GRM5: variants seen among roughly 807,000 people sequenced by gnomAD.
GRM5 encodes metabotropic glutamate receptor 5.
Under a neutral mutation model 83.1 loss-of-function variants are expected in GRM5, and 19 were observed. The ratio of observed to expected loss-of-function variants is 0.23; its 90% CI spans 0.16 to 0.34. The LOEUF is 0.34. Among genes scored for constraint, GRM5 ranks in the 10% least tolerant of loss-of-function variants. The pLI, the probability that GRM5 is intolerant of heterozygous loss-of-function variation, is 1.00. For synonymous variants in GRM5, 675 were observed against 633.6 expected, an observed-to-expected ratio of 1.07 and a Z score of -0.98; for missense variants, 1,160 against 1,588.3, an observed-to-expected ratio of 0.73 and a Z score of 4.58.
chr11:88,785,677 G>A (rs1591515098), intron 3 of GRM5, among the ~76,000 whole-genome samples: 1 of 151,980 alleles, frequency 6.6e-6, no homozygotes, highest in Non-Finnish European at 1.5e-5. Flanking sequence ...TCTACTACAG[G>A]TATTTGCAAA....
At chr11:88,742,789 A>G (rs919888025) in intron 3 of GRM5, among the ~76,000 whole-genome samples, 11 of 152,120 alleles carry the variant, frequency 7.2e-5, no homozygotes, top group Non-Finnish European at 1.6e-4. Flanking sequence ...ATTTTTAACA[A>G]GCCCATTTGG....
At chr11:88,807,426 A>T (rs1034244218) in intron 3 of GRM5, among the ~76,000 whole-genome samples, 1 of 152,080 alleles carries the variant, frequency 6.6e-6, no homozygotes, top group African/African-American at 2.4e-5. Context: ...TCCTATCTAC[A>T]ATAGGAGTGT....
chr11:88,615,899 A>G (rs1194520134), intron 4 of GRM5, among the ~76,000 whole-genome samples: 2 of 152,128 alleles, frequency 1.3e-5, no homozygotes, highest in East Asian at 3.8e-4. Context: ...AAGGGGGTGA[A>G]TATGCAAGAT....
At chr11:88,814,325 G>C (rs953198281) in intron 3 of GRM5, among the ~76,000 whole-genome samples, 1 of 152,146 alleles carries the variant, frequency 6.6e-6, no homozygotes, top group African/African-American at 2.4e-5. Context: ...CTAGAGAAGA[G>C]GACTCTGACA....
At chr11:88,791,314 C>T (rs1048532594) in intron 3 of GRM5, among the ~76,000 whole-genome samples, 16 of 152,082 alleles carry the variant, frequency 1.1e-4, no homozygotes, top group Non-Finnish European at 2.1e-4. Flanking sequence ...CAGGTGAATA[C>T]GTTAGGAGAG....
intron 1 of GRM5, among the ~76,000 whole-genome samples, chr11:89,057,988 T>C (rs1242369057): frequency 5.3e-5 from 8 of 152,098 alleles, no homozygotes; most frequent in Non-Finnish European, 2.9e-5. Flanking sequence ...CTCCAAAGTA[T>C]CAAACCTACA....
chr11:88,573,897 T>C (rs1405048278), intron 7 of GRM5, among the ~76,000 whole-genome samples: 3 of 152,222 alleles, frequency 2.0e-5, no homozygotes, highest in Non-Finnish European at 2.9e-5. Context: ...TGTCTAGTGT[T>C]CATATCCCTG....
chr11:88,914,950 G>T (rs1017657011), intron 2 of GRM5, among the ~76,000 whole-genome samples: 1 of 152,050 alleles, frequency 6.6e-6, no homozygotes, highest in African/African-American at 2.4e-5. Flanking sequence ...TCTTCAATTT[G>T]CCTCAATATT....
At chr11:89,041,245 C>T (rs549018589) in intron 2 of GRM5, among the ~76,000 whole-genome samples, 1 of 152,248 alleles carries the variant, frequency 6.6e-6, no homozygotes, top group South Asian at 2.1e-4. Context: ...TGGAAGTGTC[C>T]ACAATTGCAC....
intron 3 of GRM5, among the ~76,000 whole-genome samples, chr11:88,657,909 C>T (rs549137008): frequency 6.6e-6 from 1 of 152,258 alleles, no homozygotes; most frequent in East Asian, 1.9e-4. Flanking sequence ...GCCTATAACT[C>T]TGTTCTATGT....
At chr11:88,932,310 A>C (rs1444668115) in intron 2 of GRM5, among the ~76,000 whole-genome samples, 2 of 152,108 alleles carry the variant, frequency 1.3e-5, no homozygotes, top group African/African-American at 4.8e-5. Context: ...TTATGTTAGT[A>C]TATATAAACA....
intron 3 of GRM5, among the ~76,000 whole-genome samples, chr11:88,768,553 T>C (rs940966892): frequency 3.9e-5 from 6 of 151,974 alleles, no homozygotes; most frequent in Admixed American, 1.3e-4. Flanking sequence ...ATGAATTTAA[T>C]ACCAGTGAAC....
In GRM5 at chr11:88,984,811, T is replaced by C. The variant is rs779612725; in HGVS notation, c.661+62401A>G. The C allele has an allele frequency of 5.4e-6, 4 of 739,316 alleles. No individual in the cohort carries two copies. The East Asian group carries it at 7.5e-5, about 14-fold the overall frequency. 45.8% of individuals were successfully genotyped at this position (739,316 alleles called of 1,614,324 possible). ...GAGACAGCACTTGGATGTTTTCATT[T>C]TCCAGGGCATCATATACTAAAGAAT... is the stretch of plus-strand genomic sequence containing the variant. On this transcript the variant is annotated intron_variant, in intron 2 of 9. Coordinates refer to ENST00000305447, the MANE Select transcript of GRM5 (RefSeq NM_001143831.3).
At chr11:88,700,865 C>T (rs554802938) in intron 3 of GRM5, among the ~76,000 whole-genome samples, 18 of 152,260 alleles carry the variant, frequency 1.2e-4, no homozygotes, top group East Asian at 3.9e-4. Flanking sequence ...ATGCCCTGCA[C>T]GGATGGGGTG....
At chr11:88,564,128 A>G (rs1942819717) in intron 8 of GRM5, among the ~76,000 whole-genome samples, 1 of 152,194 alleles carries the variant, frequency 6.6e-6, no homozygotes, top group Non-Finnish European at 1.5e-5. Flanking sequence ...ATGTCAAAAA[A>G]GAAATCTCCA....
intron 8 of GRM5, among the ~76,000 whole-genome samples, chr11:88,528,491 T>A (rs1941931600): frequency 6.6e-6 from 1 of 151,902 alleles, no homozygotes; most frequent in Admixed American, 6.6e-5. Context: ...ACTCAACATT[T>A]TTTTCCAGTT....
chr11:88,738,000 A>G (rs1352925855), intron 3 of GRM5, among the ~76,000 whole-genome samples: 1 of 152,038 alleles, frequency 6.6e-6, no homozygotes. Flanking sequence ...AAACTAGAAT[A>G]AAGACAGTTG....
At chr11:88,749,564 C>A (rs1942219599) in intron 3 of GRM5, among the ~76,000 whole-genome samples, 1 of 152,004 alleles carries the variant, frequency 6.6e-6, no homozygotes, top group African/African-American at 2.4e-5. Context: ...CAAGGCAGGC[C>A]AACATTCAAA....
chr11:88,861,170 T>A (rs1366461031), intron 2 of GRM5, among the ~76,000 whole-genome samples: 2 of 152,160 alleles, frequency 1.3e-5, no homozygotes, highest in Non-Finnish European at 2.9e-5. Flanking sequence ...ATTTAGATCC[T>A]ATACATTTCA....
Sources: gnomAD v4.1 joint callset for allele counts (sites outside exome capture counted in the v4.1 genomes callset) on GRCh38, gnomAD v4.1.1 for gene constraint, MANE v1.5 for transcripts, NCBI Gene and HGNC (gene_info 2026-07-23, HGNC 2026-07-21) for gene names.